Variants in RSBN1L observed in about 807,000 individuals in gnomAD.
RSBN1L encodes lysine-specific demethylase RSBN1L.
In RSBN1L, 30 loss-of-function variants were observed where a neutral mutation model predicts 67.7. The ratio of observed to expected loss-of-function variants is 0.44; its 90% CI spans 0.33 to 0.60. RSBN1L has a LOEUF of 0.60. Ranked by LOEUF, RSBN1L falls within the 20% of genes least tolerant of loss-of-function variation. RSBN1L has a pLI of 0.02. For synonymous variants in RSBN1L, 433 were observed against 387.0 expected (o/e 1.12, Z -1.39); for missense variants, 992 against 1,031.7 (o/e 0.96, Z 0.53).
At chr7:77,735,982 A>G (rs1430393770) in intron 1 of RSBN1L, among the ~76,000 whole-genome samples, 1 of 152,108 alleles carries the variant, frequency 6.6e-6, no homozygotes, top group African/African-American at 2.4e-5. Flanking sequence ...TATAGTAACC[A>G]TAATGAGGAA....
intron 3 of RSBN1L, among the ~76,000 whole-genome samples, chr7:77,758,494 A>T (rs77101455): frequency 6.6e-6 from 1 of 152,330 alleles, no homozygotes; most frequent in East Asian, 1.9e-4. Flanking sequence ...GTTACAAACA[A>T]TCCAGTTAAC....
chr7:77,716,505 GTTC>G (rs1343141031), intron 1 of RSBN1L, among the ~76,000 whole-genome samples: 1 of 143,746 alleles, frequency 7.0e-6, no homozygotes, highest in Non-Finnish European at 1.5e-5. Flanking sequence ...ATTCTGTAAA[GTTC>G]TTCTACCCAC....
intron 1 of RSBN1L, among the ~76,000 whole-genome samples, chr7:77,713,779 T>C (rs773347901): frequency 9.2e-5 from 14 of 152,114 alleles, no homozygotes; most frequent in East Asian, 3.9e-4. Flanking sequence ...GTTGGAGTTA[T>C]AGGTGTGAGC....
chr7:77,724,292 T>C (rs1361591420), intron 1 of RSBN1L, among the ~76,000 whole-genome samples: 2 of 152,172 alleles, frequency 1.3e-5, no homozygotes, highest in African/African-American at 4.8e-5. Flanking sequence ...TATCTCCTTC[T>C]AATATACTGA....
intron 1 of RSBN1L, among the ~76,000 whole-genome samples, chr7:77,736,085 A>C (rs1791332752): frequency 6.6e-6 from 1 of 152,146 alleles, no homozygotes; most frequent in South Asian, 2.1e-4. Context: ...CAACACTGGC[A>C]CTTTTCCATC....
intron 1 of RSBN1L, among the ~76,000 whole-genome samples, chr7:77,720,768 T>C (rs550285810): frequency 4.2e-5 from 6 of 141,332 alleles, no homozygotes; most frequent in African/African-American, 7.9e-5. Context: ...TTTTTCTTTT[T>C]TTTTTTTTTT....
At chr7:77,759,082 C>A (rs1366674255) in intron 3 of RSBN1L, among the ~76,000 whole-genome samples, 1 of 152,204 alleles carries the variant, frequency 6.6e-6, no homozygotes, top group East Asian at 1.9e-4. Context: ...TAAATCTGAT[C>A]TGACTGTTAG....
At chr7:77,716,154 G>A (rs1019678472) in intron 1 of RSBN1L, among the ~76,000 whole-genome samples, 4 of 151,868 alleles carry the variant, frequency 2.6e-5, no homozygotes, top group South Asian at 4.2e-4. Context: ...TCTTAACTTC[G>A]AAAGCTTTTC....
Position 77,768,649 on chromosome 7 carries a change from A to AT in RSBN1L, c.1483-9dup. 1 of 1,607,138 alleles carries AT rather than the reference A, an allele frequency of 6.2e-7. No individual in the cohort carries two copies. The highest frequency in any genetic ancestry group is 8.5e-7 in the Non-Finnish European group (1 of 1,175,814). On this transcript the variant is annotated splice_polypyrimidine_tract_variant and intron_variant, in intron 4 of 7. Transcript: ENST00000334955. Reference sequence around the variant, plus strand: ...GAAAATAATTGCAATCTGCATAATTATTTATCTCCAGTGTACACTGCCATG... The same window carrying AT: ...GAAAATAATTGCAATCTGCATAATTATTTTATCTCCAGTGTACACTGCCATG...
intron 5 of RSBN1L, among the ~76,000 whole-genome samples, chr7:77,769,066 A>T (rs1376979060): frequency 6.6e-6 from 1 of 152,258 alleles, no homozygotes; most frequent in Non-Finnish European, 1.5e-5. Flanking sequence ...GAATAAATGT[A>T]ATATTCAGAA....
In RSBN1L at chr7:77,779,146, A is replaced by C. The variant is rs1562812805; in HGVS notation, c.2519A>C (p.Lys840Thr). The C allele has an allele frequency of 6.3e-7, 1 of 1,584,642 alleles. No individual in the cohort carries two copies. The highest frequency in any genetic ancestry group is 8.5e-7 in the Non-Finnish European group (1 of 1,169,974). The change falls in exon 8 of 8, where the codon AAA becomes ACA. Residue 840 changes from lysine to threonine, a missense_variant. Lys to Thr is a moderately conservative substitution (Grantham distance 78). Transcript: ENST00000334955. ...HSSAHSNQDK[K>T]DDDILC is the part of the protein sequence containing the mutation. ...TCAGCACATTCAAATCAAGATAAAAAAGACGATGACATTTTGTGCTAAATT... is the reference window on the plus strand; with the variant it reads ...TCAGCACATTCAAATCAAGATAAAACAGACGATGACATTTTGTGCTAAATT...
Position 77,779,295 on chromosome 7 carries a change from A to C in RSBN1L, c.*127A>C. 4.3e-6 allele frequency: 3 copies of C among 701,454 alleles called. No homozygotes were observed. Among genetic ancestry groups the C allele is most frequent in the Non-Finnish European group, 4.7e-6 (2 of 421,084 alleles). The allele number at this position is 701,454 out of a possible 1,614,324, so 43.5% of individuals were successfully genotyped here. On this transcript the variant is annotated 3_prime_UTR_variant, in exon 8 of 8. Coordinates refer to ENST00000334955, the MANE Select transcript of RSBN1L (RefSeq NM_198467.3). Reference sequence around the variant, plus strand: ...AAAACATAGTTTATGTAGCTTTGTAACATTCCTCAGTGCCTGTCCATAACT... The same window carrying C: ...AAAACATAGTTTATGTAGCTTTGTACCATTCCTCAGTGCCTGTCCATAACT...
At position 77,779,091 on chromosome 7, in the gene RSBN1L, C is replaced by G; in HGVS notation, c.2464C>G (p.Leu822Val). 1 of 1,613,232 alleles carries G rather than the reference C, an allele frequency of 6.2e-7. No individual in the cohort carries two copies. The highest frequency in any genetic ancestry group is 8.5e-7 in the Non-Finnish European group (1 of 1,179,326). Residue 822 changes from leucine to valine, a missense_variant, in exon 8 of 8, where the codon CTA becomes GTA. Leu to Val is a conservative substitution (Grantham distance 32). Around this residue, in one of 7 missense-constraint regions of RSBN1L, gnomAD observed 199 missense variants for 167.7 expected, o/e 1.19. Coordinates refer to ENST00000334955, the MANE Select transcript of RSBN1L (RefSeq NM_198467.3). The part of the protein sequence containing the change: ...DLKEELCPGN[L>V]SLVDTRQHSS... ...AAAGGAAGAATTGTGCCCTGGAAAT[C>G]TAAGTCTAGTTGATACAAGGCAACA...
rs927818894 is a variant in RSBN1L at position 77,744,207 on chromosome 7, A to G, written c.704-5217A>G. 2.6e-5 allele frequency among the ~76,000 whole-genome samples: 4 copies of G among 151,732 alleles called. No homozygotes were observed. The East Asian group carries it at 7.8e-4, about 30-fold the overall frequency. On this transcript the variant is annotated intron_variant, in intron 2 of 7. Transcript: ENST00000334955. ...CCAACATGCCCAGCTAATTAAAAAA[A>G]AAAGATTTTGTAGAGACAGGGTCTC...
intron 6 of RSBN1L, among the ~76,000 whole-genome samples, chr7:77,774,303 G>T (rs1272409603): frequency 6.6e-6 from 1 of 152,076 alleles, no homozygotes; most frequent in Admixed American, 6.6e-5. Flanking sequence ...TTGTAATTTT[G>T]CGGCCAGGTG....
chr7:77,779,269 CA>C lies in RSBN1L; in HGVS notation c.*105del. 1 of 814,284 alleles carries C rather than the reference CA, an allele frequency of 1.2e-6. No individual in the cohort carries two copies. The allele number at this position is 814,284 out of a possible 1,614,324, so 50.4% of individuals were successfully genotyped here. A position where few individuals can be genotyped will look rare whatever the true frequency, so the allele number is the denominator to read the frequency against. ...CAAGGACTTGCTCCTATGTCTGTTACAAAACATAGTTTATGTAGCTTTGTAA... is the reference window on the plus strand; with the variant it reads ...CAAGGACTTGCTCCTATGTCTGTTACAAACATAGTTTATGTAGCTTTGTAA... On this transcript the variant is annotated 3_prime_UTR_variant, in exon 8 of 8. Coordinates refer to ENST00000334955, the MANE Select transcript of RSBN1L (RefSeq NM_198467.3).
At chr7:77,729,947 C>G (rs769173624) in intron 1 of RSBN1L, among the ~76,000 whole-genome samples, 1 of 152,086 alleles carries the variant, frequency 6.6e-6, no homozygotes, top group African/African-American at 2.4e-5. Flanking sequence ...GAGCAAAACC[C>G]TGTCTCAAAA....
At chr7:77,724,960 A>C (rs1791176580) in intron 1 of RSBN1L, among the ~76,000 whole-genome samples, 1 of 149,218 alleles carries the variant, frequency 6.7e-6, no homozygotes, top group Non-Finnish European at 1.5e-5. Context: ...CTCCTGCCTC[A>C]GCCTCCCGAG....
At chr7:77,767,703 C>CTT (rs1791788987) in intron 4 of RSBN1L, among the ~76,000 whole-genome samples, 2 of 146,706 alleles carry the variant, frequency 1.4e-5, no homozygotes, top group African/African-American at 5.0e-5. Context: ...TTCCCCTTCC[C>CTT]CTTCACCTCT....
Sources: gnomAD v4.1 joint callset for allele counts (sites outside exome capture counted in the v4.1 genomes callset) on GRCh38, gnomAD v4.1.1 for gene constraint, gnomAD v4.1.1 regional missense constraint, MANE v1.5 for transcripts, NCBI Gene and HGNC (gene_info 2026-07-23, HGNC 2026-07-21) for gene names.